The following ADHFE1 variants were observed in gnomAD, a reference collection of about 807,000 sequenced individuals.
The protein encoded by ADHFE1 is alcohol dehydrogenase iron containing 1.
ADHFE1 carries 37 observed loss-of-function variants against 54.8 expected under a neutral mutation model. The observed-to-expected ratio is 0.68, with a 90% CI of 0.52 to 0.89. The LOEUF is 0.89. ADHFE1 is among the 40% of genes least tolerant of loss of function. ADHFE1 has a pLI of 0.00. For missense variants in ADHFE1, 601 were observed against 591.2 expected, an observed-to-expected ratio of 1.02 and a Z score of -0.17; for synonymous variants, 203 against 229.3, an observed-to-expected ratio of 0.89 and a Z score of 1.04.
In ADHFE1 at chr8:66,468,271, A is replaced by G; in HGVS notation, c.1323A>G (p.Glu441=). The G allele has an allele frequency of 6.2e-7, 1 of 1,610,742 alleles. No individual in the cohort carries two copies. The highest frequency in any genetic ancestry group is 1.1e-5 in the South Asian group (1 of 90,502). The change falls in exon 14 of 14, where the codon GAA becomes GAG. Residue 441 remains glutamate (E), a splice_region_variant and synonymous_variant. Transcript: ENST00000396623. ...PALVKGTLPQ[E]RVTKLAPCPQ... ...ACTTCTTTCATTTACTGTTTCAGGAAAGGGTCACCAAGCTTGCACCCTGTC... is the reference window on the plus strand; with the variant it reads ...ACTTCTTTCATTTACTGTTTCAGGAGAGGGTCACCAAGCTTGCACCCTGTC...
rs779179663 is a variant in ADHFE1 at position 66,454,098 on chromosome 8, T to C, written c.927T>C (p.His309=). 9.9e-6 allele frequency: 16 copies of C among 1,614,236 alleles called. No homozygotes were observed. Among genetic ancestry groups the C allele is most frequent in the Non-Finnish European group, 1.4e-5 (16 of 1,180,024 alleles). ...RNPDDLEARS[H]MHLASAFAGI... ...CCGATGATCTTGAAGCAAGGTCTCA[T>C]ATGCACTTGGCAAGTGCTTTTGCTG... Residue 309 remains histidine (H), a synonymous_variant, in exon 10 of 14, where the codon CAT becomes CAC. Transcript: ENST00000396623.
chr8:66,444,286 A>G, intron 3 of ADHFE1, 81 bp from the exon 4 acceptor site: 1 of 1,354,982 alleles, frequency 7.4e-7, no homozygotes, highest in Non-Finnish European at 1.1e-6. Context: ...TCTAGGCAAC[A>G]AGAAACCATT....
intron 9 of ADHFE1, chr8:66,453,614 C>T (rs1586469873): frequency 9.6e-7 from 1 of 1,045,640 alleles, no homozygotes; most frequent in East Asian, 4.9e-5. Flanking sequence ...ATAAAGAGGC[C>T]CCCAGTGGGT....
rs1805615330 is a variant in ADHFE1 at position 66,439,125 on chromosome 8, C to T, written c.60-1037C>T. 2.1e-6 allele frequency: 2 copies of T among 934,150 alleles called. No homozygotes were observed. The highest frequency in any genetic ancestry group is 4.9e-5 in the South Asian group (1 of 20,296). The allele number at this position is 934,150 out of a possible 1,614,324, so 57.9% of individuals were successfully genotyped here. On this transcript the variant is annotated intron_variant, in intron 1 of 13. Coordinates refer to ENST00000396623, the MANE Select transcript of ADHFE1 (RefSeq NM_144650.3). This position sits in a 1 kb window ranked among gnomAD's most constrained non-coding sequence, Gnocchi z 4.4. ...CGCGACTCGCGCCAGCTCTCACTCG[C>T]CCCCGCGTCTGCTTTGACTTCGCAG...
At chr8:66,455,942 C>A (rs1042758119) in intron 10 of ADHFE1, among the ~76,000 whole-genome samples, 1 of 151,618 alleles carries the variant, frequency 6.6e-6, no homozygotes, top group Non-Finnish European at 1.5e-5. Context: ...CTCAAAAAAA[C>A]CCAAATAAAC....
Position 66,439,991 on chromosome 8 carries a change from C to T in ADHFE1, c.60-171C>T, listed in dbSNP as rs187817614. On this transcript the variant is annotated intron_variant, in intron 1 of 13. Transcript: ENST00000396623. This position sits in a 1 kb window ranked among gnomAD's most constrained non-coding sequence, Gnocchi z 4.4. ...GACGCTGAGTCAACTTTTTGTCCAT[C>T]GTGATTTCTGGGTCTATATATATTT... Among the ~76,000 whole-genome samples the T allele has an allele frequency of 7.5e-4, 114 of 152,266 alleles. No individual in the cohort carries two copies. Among genetic ancestry groups the T allele is most frequent in the Admixed American group, 1.4e-3 (22 of 15,296 alleles).
intron 1 of ADHFE1, among the ~76,000 whole-genome samples, chr8:66,437,760 G>A (rs2718990): frequency 0.65 from 98,922 of 152,066 alleles, 34,142 homozygotes; most frequent in African/African-American, 0.88. Flanking sequence ...TAAATTCACA[G>A]TCCACAGGCA....
intron 10 of ADHFE1, 60 bp downstream of exon 10, chr8:66,454,217 G>A: frequency 6.4e-7 from 1 of 1,557,194 alleles, no homozygotes; most frequent in Non-Finnish European, 8.8e-7. Context: ...AATTTTTAAT[G>A]TTTATAATTC....
At chr8:66,453,962 C>CT (rs564101215) in intron 9 of ADHFE1, 97 bp from the exon 10 acceptor site, 506 of 1,528,514 alleles carry the variant, frequency 3.3e-4, no homozygotes, top group East Asian at 9.6e-4. Context: ...AGTAGCATTT[C>CT]TTTTTTTTTC....
intron 1 of ADHFE1, among the ~76,000 whole-genome samples, chr8:66,437,272 G>A (rs1347534253): frequency 6.6e-6 from 1 of 152,146 alleles, no homozygotes; most frequent in Non-Finnish European, 1.5e-5. Flanking sequence ...GATGATTTAG[G>A]GGACAGAAGG....
At chr8:66,440,322 T>TA in intron 2 of ADHFE1, 123 bp downstream of exon 2, 1 of 874,304 alleles carries the variant, frequency 1.1e-6, no homozygotes. Flanking sequence ...TGAAAACAGT[T>TA]ACCATTTCAC....
intron 13 of ADHFE1, among the ~76,000 whole-genome samples, chr8:66,465,343 C>T (rs949119987): frequency 1.3e-5 from 2 of 152,114 alleles, no homozygotes; most frequent in African/African-American, 4.8e-5. Flanking sequence ...TAACAGTGCA[C>T]CAGGGCTTCA....
At position 66,444,657 on chromosome 8, in the gene ADHFE1, C is replaced by G; in HGVS notation, c.262C>G (p.Pro88Ala). 6.2e-7 allele frequency: 1 copy of G among 1,614,214 alleles called. No individual in the cohort carries two copies. The highest frequency in any genetic ancestry group is 8.5e-7 in the Non-Finnish European group (1 of 1,180,034). The stretch of plus-strand genomic sequence containing the variant: ...GACAGACAAGAACCTCTCCAAGCTC[C>G]CTCCTGTGCAAGTAGCTATGGATTC... ...LMTDKNLSKL[P>A]PVQVAMDSLV... The change falls in exon 5 of 14, where the codon CCT (proline) becomes GCT (alanine). Residue 88 changes from proline to alanine, a missense_variant. Transcript: ENST00000396623.
At chr8:66,445,146 G>T in intron 5 of ADHFE1, 72 bp from the exon 6 acceptor site, 1 of 1,396,698 alleles carries the variant, frequency 7.2e-7, no homozygotes. Flanking sequence ...CTTACCCCAA[G>T]CCTTAGTTAA....
chr8:66,444,174 G>A lies in ADHFE1; in HGVS notation c.145-193G>A, dbSNP rs1034718791. On this transcript the variant is annotated intron_variant, in intron 3 of 13. Coordinates refer to ENST00000396623, the MANE Select transcript of ADHFE1 (RefSeq NM_144650.3). ...AAGACAAGTCATTCAAATGACAGGA[G>A]CTGAAGTTTGCTTAAGGAAGTGTGG... Among the ~76,000 whole-genome samples, 3 of 152,202 alleles carry A rather than the reference G, an allele frequency of 2.0e-5. No individual in the cohort carries two copies. In the East Asian group the frequency reaches 5.8e-4, roughly 29 times the overall value.
At chr8:66,450,351 T>G (rs1806236958) in intron 8 of ADHFE1, among the ~76,000 whole-genome samples, 2 of 151,918 alleles carry the variant, frequency 1.3e-5, no homozygotes, top group African/African-American at 2.4e-5. Flanking sequence ...AAGTGGGGAG[T>G]GGGCTCAGAA....
chr8:66,442,309 CTTTTT>C (rs1028439051), intron 2 of ADHFE1, among the ~76,000 whole-genome samples: 1 of 133,800 alleles, frequency 7.5e-6, no homozygotes. Flanking sequence ...TACATTCTAT[CTTTTT>C]TTTTTTTTTT....
At chr8:66,466,272 G>A (rs1323642905) in intron 13 of ADHFE1, among the ~76,000 whole-genome samples, 34 of 142,806 alleles carry the variant, frequency 2.4e-4, no homozygotes, top group African/African-American at 8.3e-4. Context: ...TTTTAGTAGA[G>A]ACAGGGTTTC....
Position 66,460,293 on chromosome 8 carries a change from C to T in ADHFE1, c.1163-15C>T. On this transcript the variant is annotated splice_polypyrimidine_tract_variant and intron_variant, in intron 12 of 13. Coordinates refer to ENST00000396623, the MANE Select transcript of ADHFE1 (RefSeq NM_144650.3). ...TCTTCCTCTCTCCCTACAGTCAGCA[C>T]TTTATGTCTTCTAGGAGCCGACACC... is the stretch of plus-strand genomic sequence containing the variant. The T allele has an allele frequency of 6.2e-7, 1 of 1,613,770 alleles. No individual in the cohort carries two copies. Among genetic ancestry groups the T allele is most frequent in the Non-Finnish European group, 8.5e-7 (1 of 1,179,930 alleles).
Sources: gnomAD v4.1 joint callset for allele counts (sites outside exome capture counted in the v4.1 genomes callset) on GRCh38, gnomAD v4.1.1 for gene constraint, Gnocchi (gnomAD v3.1) non-coding constraint, MANE v1.5 for transcripts, NCBI Gene and HGNC (gene_info 2026-07-23, HGNC 2026-07-21) for gene names.